Variants in STRN observed in about 807,000 individuals in gnomAD.
The protein encoded by STRN is striatin.
Under a neutral mutation model 96.3 loss-of-function variants are expected in STRN, and 53 were observed. The observed-to-expected ratio is 0.55, with a 90% CI of 0.44 to 0.69. STRN has a LOEUF of 0.69. Among genes scored for constraint, STRN ranks in the 30% least tolerant of loss-of-function variants. The pLI is 0.00. For synonymous variants in STRN, 428 were observed against 355.9 expected (o/e 1.20, Z -2.28); for missense variants, 987 against 963.9 (o/e 1.02, Z -0.32).
At chr2:36,866,102 G>A (rs991519510) in intron 12 of STRN, among the ~76,000 whole-genome samples, 11 of 151,928 alleles carry the variant, frequency 7.2e-5, no homozygotes, top group Non-Finnish European at 1.6e-4. Flanking sequence ...ACAGGGTATC[G>A]CTCGCTCTGT....
chr2:36,965,257 A>AT (rs1184327355), intron 1 of STRN, among the ~76,000 whole-genome samples: 1 of 152,232 alleles, frequency 6.6e-6, no homozygotes, highest in African/African-American at 2.4e-5. Context: ...AGGCACAACT[A>AT]TTCATAGTTC....
chr2:36,960,848 A>G (rs891598413), intron 1 of STRN, among the ~76,000 whole-genome samples: 1 of 152,106 alleles, frequency 6.6e-6, no homozygotes. Context: ...CAGCTGTCCT[A>G]TGAGGCTGCT....
At chr2:36,899,974 C>T (rs992999754) in intron 5 of STRN, among the ~76,000 whole-genome samples, 5 of 152,042 alleles carry the variant, frequency 3.3e-5, no homozygotes, top group Admixed American at 6.6e-5. Flanking sequence ...CTCCAGTCTC[C>T]GCCTCCCAGG....
chr2:36,966,247 C>A lies in STRN; in HGVS notation c.217G>T (p.Glu73Ter). The change falls in exon 1 of 18, where the codon GAG becomes TAG. Residue 73 changes from glutamate (E) to a stop codon, truncating the protein, a stop_gained. Transcript: ENST00000263918. LOFTEE classifies it high-confidence loss of function. ...FEVERAQWEVERAELQAQIAF... is the reference protein window; with the variant it reads ...FEVERAQWEV ...GTCTTTACCTGCAGCTCCGCCCGCT[C>A]CACCTCCCACTGGGCTCTCTCCACC... 1 of 1,578,486 alleles carries A rather than the reference C, an allele frequency of 6.3e-7. No individual in the cohort carries two copies. The highest frequency in any genetic ancestry group is 2.5e-5 in the East Asian group (1 of 40,624).
chr2:36,944,245 C>A (rs575366056), intron 1 of STRN, among the ~76,000 whole-genome samples: 1 of 152,128 alleles, frequency 6.6e-6, no homozygotes, highest in East Asian at 1.9e-4. Flanking sequence ...AAAAGCAATG[C>A]AGATATAACG....
chr2:36,863,291 A>T (rs1415674427), intron 12 of STRN, among the ~76,000 whole-genome samples: 2 of 151,704 alleles, frequency 1.3e-5, no homozygotes, highest in Non-Finnish European at 2.9e-5. Context: ...GGTTTTCTTC[A>T]ACTTTTTTTA....
At chr2:36,893,112 A>G (rs1383575239) in intron 7 of STRN, among the ~76,000 whole-genome samples, 1 of 152,182 alleles carries the variant, frequency 6.6e-6, no homozygotes, top group African/African-American at 2.4e-5. Context: ...AAGAAAAACA[A>G]TGAAAACTTT....
At chr2:36,862,173 G>A (rs1191795119) in intron 12 of STRN, among the ~76,000 whole-genome samples, 1 of 152,132 alleles carries the variant, frequency 6.6e-6, no homozygotes, top group Non-Finnish European at 1.5e-5. Flanking sequence ...ACCGATGATG[G>A]GCATTTAGGG....
intron 2 of STRN, among the ~76,000 whole-genome samples, chr2:36,918,109 G>A (rs1263440550): frequency 6.6e-6 from 1 of 152,074 alleles, no homozygotes; most frequent in African/African-American, 2.4e-5. Flanking sequence ...AATATGTTTA[G>A]TCCAAATTAT....
At chr2:36,954,380 TG>T (rs1664830777) in intron 1 of STRN, among the ~76,000 whole-genome samples, 1 of 151,700 alleles carries the variant, frequency 6.6e-6, no homozygotes, top group African/African-American at 2.4e-5. Context: ...GGTGTGGTGA[TG>T]GGTGCCTGTA....
intron 2 of STRN, among the ~76,000 whole-genome samples, chr2:36,923,122 C>G (rs1195976967): frequency 1.5e-5 from 2 of 137,504 alleles, no homozygotes; most frequent in African/African-American, 5.5e-5. Flanking sequence ...AGCCTGGCAA[C>G]AGAGCAAAAC....
chr2:36,931,717 A>G (rs1428808263), intron 1 of STRN, among the ~76,000 whole-genome samples: 1 of 152,234 alleles, frequency 6.6e-6, no homozygotes, highest in East Asian at 1.9e-4. Flanking sequence ...TGCAGGCAAA[A>G]GCAGTGAATA....
intron 9 of STRN, 58 bp downstream of exon 9, chr2:36,883,874 G>C (rs1210832817): frequency 7.7e-7 from 1 of 1,303,804 alleles, no homozygotes; most frequent in Non-Finnish European, 9.9e-7. Flanking sequence ...TCTAATGAAT[G>C]AATTTAAAGA....
chr2:36,863,848 A>G (rs1455498660), intron 12 of STRN, among the ~76,000 whole-genome samples: 1 of 152,066 alleles, frequency 6.6e-6, no homozygotes, highest in Admixed American at 6.5e-5. Flanking sequence ...GTGTTTTGTA[A>G]TTCTCAGTGT....
intron 5 of STRN, among the ~76,000 whole-genome samples, chr2:36,900,528 G>C (rs1404414960): frequency 1.3e-5 from 2 of 152,094 alleles, no homozygotes. Context: ...TGATTAATAA[G>C]CCATTAATCT....
intron 3 of STRN, among the ~76,000 whole-genome samples, chr2:36,908,951 A>G (rs1161851422): frequency 6.6e-6 from 1 of 151,802 alleles, no homozygotes; most frequent in Non-Finnish European, 1.5e-5. Context: ...ACTACACTCC[A>G]GCCTGGGCGA....
chr2:36,890,287 T>G (rs949158028), intron 7 of STRN, among the ~76,000 whole-genome samples: 2 of 152,144 alleles, frequency 1.3e-5, no homozygotes, highest in African/African-American at 4.8e-5. Flanking sequence ...CACTGTATTC[T>G]TCAATGACTA....
chr2:36,898,486 A>AGT (rs1199562860), intron 6 of STRN, among the ~76,000 whole-genome samples: 4 of 152,236 alleles, frequency 2.6e-5, no homozygotes, highest in Non-Finnish European at 5.9e-5. Context: ...TAATAATTTG[A>AGT]GTCTCTGATG....
At chr2:36,854,837 G>A (rs1668304685) in intron 15 of STRN, among the ~76,000 whole-genome samples, 1 of 152,054 alleles carries the variant, frequency 6.6e-6, no homozygotes, top group African/African-American at 2.4e-5. Context: ...GTATTGAGCT[G>A]TACCAAATCA....
Sources: allele counts gnomAD v4.1 joint callset (sites outside exome capture counted in the v4.1 genomes callset), GRCh38; gene constraint gnomAD v4.1.1; transcripts MANE v1.5; gene names NCBI Gene and HGNC (gene_info 2026-07-23, HGNC 2026-07-21).